Variants in CSMD1 observed in about 807,000 individuals in gnomAD.
CSMD1 encodes the protein CUB and Sushi multiple domains 1, also known as CUB and sushi domain-containing protein 1.
CSMD1 carries 213 observed loss-of-function variants against 417.5 expected under a neutral mutation model. That is an observed-to-expected ratio of 0.51 (90% CI 0.46 to 0.57). CSMD1 has a LOEUF of 0.57. Among genes scored for constraint, CSMD1 ranks in the 20% least tolerant of loss-of-function variants. The probability of loss-of-function intolerance (pLI) is 0.00; values close to 1 mark genes in which losing one functional copy is unlikely to be tolerated. For synonymous variants in CSMD1, 2,862 were observed against 1,736.8 expected (o/e 1.65, Z -16.11); for missense variants, 6,923 against 4,529.7 (o/e 1.53, Z -15.17).
chr8:3,635,483 CTTT>C (rs562990317), intron 7 of CSMD1, among the ~76,000 whole-genome samples: 5 of 125,920 alleles, frequency 4.0e-5, no homozygotes, highest in Admixed American at 1.6e-4. Context: ...GACTCCATCT[CTTT>C]TTTTTTTTTT....
rs1439778466 is a variant in CSMD1, at chr8:4,994,765, G to C, written c.-349C>G. 1.2e-5 allele frequency: 3 copies of C among 255,592 alleles called. No individual in the cohort carries two copies. The highest frequency in any genetic ancestry group is 2.3e-5 in the African/African-American group (1 of 43,768). 15.8% of individuals were successfully genotyped at this position (255,592 alleles called of 1,614,324 possible). A position where few individuals can be genotyped will look rare whatever the true frequency, so the allele number is the denominator to read the frequency against. ...GAGAGGAGCGCGCGCAGCCAGGAGAGACCTGGAGAGGAGGCAGCTGGAGAG... is the reference window on the plus strand; with the variant it reads ...GAGAGGAGCGCGCGCAGCCAGGAGACACCTGGAGAGGAGGCAGCTGGAGAG... On this transcript the variant is annotated 5_prime_UTR_variant, in exon 1 of 70. Transcript: ENST00000635120.
intron 25 of CSMD1, among the ~76,000 whole-genome samples, chr8:3,295,033 G>T (rs545922671): frequency 1.8e-4 from 28 of 152,208 alleles, no homozygotes; most frequent in African/African-American, 4.8e-4. Flanking sequence ...ACAATATATT[G>T]TACTACTCTG....
At chr8:3,832,023 C>T (rs1277745850) in intron 5 of CSMD1, among the ~76,000 whole-genome samples, 1 of 152,136 alleles carries the variant, frequency 6.6e-6, no homozygotes, top group African/African-American at 2.4e-5. Flanking sequence ...AAATCTCTGT[C>T]CTTCTCTGCG....
chr8:3,290,892 T>C (rs1269709454), intron 25 of CSMD1, among the ~76,000 whole-genome samples: 3 of 152,080 alleles, frequency 2.0e-5, no homozygotes, highest in East Asian at 1.9e-4. Flanking sequence ...GAGGGCATCC[T>C]GGTCTTGTGC....
At chr8:3,695,481 T>G (rs1450813714) in intron 7 of CSMD1, among the ~76,000 whole-genome samples, 4 of 152,130 alleles carry the variant, frequency 2.6e-5, no homozygotes, top group African/African-American at 9.7e-5. Context: ...AAATCTGGCT[T>G]TACCTTATGA....
intron 1 of CSMD1, among the ~76,000 whole-genome samples, chr8:4,777,665 G>A (rs1489556233): frequency 6.6e-6 from 1 of 152,174 alleles, no homozygotes; most frequent in Non-Finnish European, 1.5e-5. Flanking sequence ...GTACAGAAGT[G>A]ATTGCAGTTT....
At chr8:3,141,848 A>G (rs1328938841) in intron 41 of CSMD1, among the ~76,000 whole-genome samples, 20 of 147,740 alleles carry the variant, frequency 1.4e-4, no homozygotes, top group African/African-American at 4.3e-4. Context: ...CCCAGGCTGG[A>G]GTGCAGTGGC....
In CSMD1 at chr8:3,168,846, C is replaced by G. The variant is rs139895012; in HGVS notation, c.5726-6569G>C. ...ATTTCCACTTGTTACATCCTGCAGTCTCTTCAAAGCATAAAGGAGTGCATG... is the reference window on the plus strand; with the variant it reads ...ATTTCCACTTGTTACATCCTGCAGTGTCTTCAAAGCATAAAGGAGTGCATG... On this transcript the variant is annotated intron_variant, in intron 37 of 69. Coordinates refer to ENST00000635120, the MANE Select transcript of CSMD1 (RefSeq NM_033225.6). Among the ~76,000 whole-genome samples, 748 of 152,228 alleles carry G rather than the reference C, an allele frequency of 4.9e-3. 8 individuals are homozygous for G. The highest frequency in any genetic ancestry group is 0.017 in the African/African-American group (696 of 41,534).
intron 12 of CSMD1, among the ~76,000 whole-genome samples, chr8:3,427,479 G>C (rs1447356): frequency 0.35 from 53,656 of 151,834 alleles, 9,632 homozygotes; most frequent in South Asian, 0.47. Context: ...TTAAAATGAA[G>C]ATTTTCACAG....
intron 2 of CSMD1, among the ~76,000 whole-genome samples, chr8:4,446,783 G>C (rs908077088): frequency 7.8e-5 from 11 of 140,408 alleles, no homozygotes; most frequent in African/African-American, 9.0e-5. Context: ...GTGTGTGTGT[G>C]TGTGTGTGTG....
chr8:3,933,403 C>T (rs1449903351), intron 5 of CSMD1, among the ~76,000 whole-genome samples: 1 of 152,146 alleles, frequency 6.6e-6, no homozygotes, highest in Non-Finnish European at 1.5e-5. Flanking sequence ...ATGAGTCTAT[C>T]AGGACTTGTA....
At chr8:3,993,734 G>C (rs953438514) in intron 5 of CSMD1, among the ~76,000 whole-genome samples, 3 of 152,196 alleles carry the variant, frequency 2.0e-5, no homozygotes, top group Non-Finnish European at 2.9e-5. Flanking sequence ...CTAATCCAAA[G>C]CGGAAGAAAT....
intron 29 of CSMD1, among the ~76,000 whole-genome samples, chr8:3,218,434 G>A (rs1281739716): frequency 6.6e-6 from 1 of 151,766 alleles, no homozygotes; most frequent in Non-Finnish European, 1.5e-5. Flanking sequence ...GGTGGCAGCT[G>A]CCTGTAGTCC....
chr8:4,754,926 C>T (rs954514402), intron 1 of CSMD1, among the ~76,000 whole-genome samples: 3 of 151,930 alleles, frequency 2.0e-5, no homozygotes, highest in Non-Finnish European at 2.9e-5. Context: ...ATCACAAGGT[C>T]GGGAGTTCGA....
At chr8:3,311,556 C>T (rs1475538525) in intron 23 of CSMD1, among the ~76,000 whole-genome samples, 2 of 152,266 alleles carry the variant, frequency 1.3e-5, no homozygotes, top group Admixed American at 6.5e-5. Context: ...AGAGAGTCAA[C>T]ACTTTCTTAC....
rs112283327 is a variant in CSMD1 at position 4,312,439 on chromosome 8, G to T, written c.415+107514C>A. On this transcript the variant is annotated intron_variant, in intron 3 of 69. Transcript: ENST00000635120. Reference sequence around the variant, plus strand: ...TATATATGCGCGTATATATATATGCGTATATATATACGTATATATATGCGC... The same window carrying T: ...TATATATGCGCGTATATATATATGCTTATATATATACGTATATATATGCGC... 1.7e-4 allele frequency among the ~76,000 whole-genome samples: 19 copies of T among 110,692 alleles called. 2 individuals are homozygous for T. Among genetic ancestry groups the T allele is most frequent in the Non-Finnish European group, 3.1e-4 (18 of 58,516 alleles). The allele number at this position is 110,692 out of a possible 152,430, so 72.6% of individuals were successfully genotyped here.
Position 3,412,603 on chromosome 8 carries a change from T to C in CSMD1, c.1562-2998A>G, listed in dbSNP as rs142289518. Among the ~76,000 whole-genome samples the C allele has an allele frequency of 1.6e-3, 238 of 152,270 alleles. 1 individual carries two copies. The highest frequency in any genetic ancestry group is 0.01 in the Middle Eastern group (3 of 294). ...GAAGCAGAAGAGCACACACACAAAATGCAGATATTTGGTTGAGGTTCAAGG... is the reference window on the plus strand; with the variant it reads ...GAAGCAGAAGAGCACACACACAAAACGCAGATATTTGGTTGAGGTTCAAGG... On this transcript the variant is annotated intron_variant, in intron 12 of 69. Coordinates refer to ENST00000635120, the MANE Select transcript of CSMD1 (RefSeq NM_033225.6).
At chr8:4,829,789 A>C (rs1412171310) in intron 1 of CSMD1, among the ~76,000 whole-genome samples, 1 of 150,740 alleles carries the variant, frequency 6.6e-6, no homozygotes, top group African/African-American at 2.4e-5. Context: ...TTTCACACCC[A>C]CCTAGTTAAT....
chr8:4,184,266 C>A (rs1798541399), intron 3 of CSMD1, among the ~76,000 whole-genome samples: 1 of 152,156 alleles, frequency 6.6e-6, no homozygotes, highest in Non-Finnish European at 1.5e-5. Flanking sequence ...AGCCCATATG[C>A]TCATTTATAA....
Sources: allele counts gnomAD v4.1 joint callset (sites outside exome capture counted in the v4.1 genomes callset), GRCh38; gene constraint gnomAD v4.1.1; transcripts MANE v1.5; gene names NCBI Gene and HGNC (gene_info 2026-07-23, HGNC 2026-07-21).